TAFA2: variants seen among roughly 807,000 people sequenced by gnomAD.
The protein encoded by TAFA2 is chemokine-like protein TAFA-2.
In TAFA2, 7 loss-of-function variants were observed where a neutral mutation model predicts 18.8. The ratio of observed to expected loss-of-function variants is 0.37; its 90% confidence interval spans 0.21 to 0.70. TAFA2 has a LOEUF of 0.70. Ranked by LOEUF, TAFA2 falls within the 30% of genes least tolerant of loss-of-function variation. TAFA2 has a pLI of 0.53. For synonymous variants in TAFA2, 60 were observed against 54.2 expected, an observed-to-expected ratio of 1.11 and a Z score of -0.47; for missense variants, 122 against 158.1, an observed-to-expected ratio of 0.77 and a Z score of 1.23.
intron 1 of TAFA2, among the ~76,000 whole-genome samples, chr12:61,978,584 C>G (rs978933466): frequency 9.2e-5 from 14 of 152,136 alleles, no homozygotes; most frequent in Middle Eastern, 3.4e-3. Flanking sequence ...CACATTAGAA[C>G]TGGATTTCCT....
chr12:62,210,175 G>T (rs2062707719), intron 1 of TAFA2, among the ~76,000 whole-genome samples: 1 of 143,276 alleles, frequency 7.0e-6, no homozygotes, highest in Non-Finnish European at 1.5e-5. Flanking sequence ...GACAGAGTGA[G>T]ACTCTGTCTC....
intron 2 of TAFA2, among the ~76,000 whole-genome samples, chr12:61,796,345 T>C (rs1416627502): frequency 3.3e-5 from 5 of 151,948 alleles, no homozygotes; most frequent in South Asian, 2.1e-4. Flanking sequence ...CACTGAGAAA[T>C]GAAAATGAAC....
intron 1 of TAFA2, among the ~76,000 whole-genome samples, chr12:62,184,567 C>T (rs1383848318): frequency 7.5e-6 from 1 of 133,314 alleles, no homozygotes; most frequent in Non-Finnish European, 1.5e-5. Flanking sequence ...GATCACAGCT[C>T]AATGCAGCTG....
intron 1 of TAFA2, among the ~76,000 whole-genome samples, chr12:61,885,899 T>C (rs965883586): frequency 6.6e-6 from 1 of 151,962 alleles, no homozygotes; most frequent in Non-Finnish European, 1.5e-5. Flanking sequence ...GGAGAAAAAA[T>C]GATTCTCTTC....
intron 1 of TAFA2, among the ~76,000 whole-genome samples, chr12:62,028,981 A>G (rs2136742231): frequency 6.6e-6 from 1 of 152,304 alleles, no homozygotes; most frequent in African/African-American, 2.4e-5. Flanking sequence ...AGTATAGGCT[A>G]AAATACATGT....
intron 1 of TAFA2, among the ~76,000 whole-genome samples, chr12:62,032,880 C>T (rs1401089695): frequency 6.6e-6 from 1 of 152,174 alleles, no homozygotes; most frequent in Non-Finnish European, 1.5e-5. Context: ...AGCATTCTCA[C>T]CTAAGAATAT....
At chr12:62,205,595 G>A (rs1265905701) in intron 1 of TAFA2, among the ~76,000 whole-genome samples, 1 of 152,194 alleles carries the variant, frequency 6.6e-6, no homozygotes, top group Non-Finnish European at 1.5e-5. Flanking sequence ...AGCCTAAAGA[G>A]GGAGTCTGGC....
At chr12:62,114,185 G>T (rs542990268) in intron 1 of TAFA2, among the ~76,000 whole-genome samples, 86 of 152,176 alleles carry the variant, frequency 5.7e-4, no homozygotes, top group Non-Finnish European at 1.1e-3. Context: ...GTAGTATCTG[G>T]GCCAGAATGC....
chr12:61,977,413 C>A (rs1269043401), intron 1 of TAFA2, among the ~76,000 whole-genome samples: 1 of 152,000 alleles, frequency 6.6e-6, no homozygotes, highest in Non-Finnish European at 1.5e-5. Flanking sequence ...AGTGCTCCAG[C>A]AAAATATGAA....
At chr12:62,219,943 T>A (rs1434474143) in intron 1 of TAFA2, among the ~76,000 whole-genome samples, 1 of 152,246 alleles carries the variant, frequency 6.6e-6, no homozygotes, top group Middle Eastern at 3.4e-3. Flanking sequence ...GAATATAAGA[T>A]GAAAACTGAA....
intron 4 of TAFA2, among the ~76,000 whole-genome samples, chr12:61,745,798 A>G (rs1868676837): frequency 6.6e-6 from 1 of 152,044 alleles, no homozygotes; most frequent in Non-Finnish European, 1.5e-5. Context: ...ACCCTGGACT[A>G]TCTAGGAGGA....
intron 1 of TAFA2, among the ~76,000 whole-genome samples, chr12:62,019,605 G>T (rs1247362919): frequency 2.0e-5 from 3 of 149,656 alleles, no homozygotes; most frequent in Non-Finnish European, 4.4e-5. Context: ...TCACTCACAG[G>T]TGGGAATTCA....
At chr12:61,979,933 C>A (rs1385408349) in intron 1 of TAFA2, among the ~76,000 whole-genome samples, 2 of 152,052 alleles carry the variant, frequency 1.3e-5, no homozygotes, top group East Asian at 1.9e-4. Flanking sequence ...CTCTCCCACC[C>A]CATATCTCAT....
At chr12:62,095,045 C>A (rs969267531) in intron 1 of TAFA2, among the ~76,000 whole-genome samples, 1 of 151,892 alleles carries the variant, frequency 6.6e-6, no homozygotes, top group East Asian at 1.9e-4. Flanking sequence ...TTTATCTAAC[C>A]CCAGGCACCA....
intron 1 of TAFA2, among the ~76,000 whole-genome samples, chr12:62,151,208 C>T (rs2062326147): frequency 6.6e-6 from 1 of 152,138 alleles, no homozygotes; most frequent in African/African-American, 2.4e-5. Context: ...CTGGAGCAAA[C>T]CCAGATCCGA....
chr12:61,715,415 C>A (rs1347636196), intron 4 of TAFA2, among the ~76,000 whole-genome samples: 1 of 151,890 alleles, frequency 6.6e-6, no homozygotes, highest in Non-Finnish European at 1.5e-5. Flanking sequence ...GTAGTGCTAT[C>A]TCGGCTCACT....
chr12:61,797,212 C>T (rs1208578662), intron 2 of TAFA2, among the ~76,000 whole-genome samples: 1 of 152,116 alleles, frequency 6.6e-6, no homozygotes, highest in Non-Finnish European at 1.5e-5. Flanking sequence ...AAAAGTGAGG[C>T]TAATGAATAG....
At chr12:61,791,448 G>A (rs888274490) in intron 2 of TAFA2, among the ~76,000 whole-genome samples, 1 of 151,780 alleles carries the variant, frequency 6.6e-6, no homozygotes, top group East Asian at 1.9e-4. Flanking sequence ...CATACAGAAA[G>A]GGAGAAAATA....
chr12:61,972,360 A>C (rs1168477747), intron 1 of TAFA2, among the ~76,000 whole-genome samples: 2 of 151,624 alleles, frequency 1.3e-5, no homozygotes, highest in Non-Finnish European at 3.0e-5. Flanking sequence ...CTACCTATAG[A>C]AATGGAAAAG....
Sources: allele counts gnomAD v4.1 joint callset (sites outside exome capture counted in the v4.1 genomes callset), GRCh38; gene constraint gnomAD v4.1.1; transcripts MANE v1.5; gene names NCBI Gene and HGNC (gene_info 2026-07-23, HGNC 2026-07-21).